The following LPGAT1 variants were observed in gnomAD, a reference collection of about 807,000 sequenced individuals.
LPGAT1 encodes lysophosphatidylglycerol acyltransferase 1, also known as acyl-CoA:lysophosphatidylglycerol acyltransferase 1.
LPGAT1 carries 11 observed loss-of-function variants against 47.5 expected under a neutral mutation model. That is an observed-to-expected ratio of 0.23 (90% CI 0.15 to 0.38). LPGAT1 has a LOEUF of 0.38. LPGAT1 is among the 10% of genes least tolerant of loss of function. LPGAT1 has a pLI of 1.00. For synonymous variants in LPGAT1, 138 were observed against 144.2 expected (o/e 0.96, Z 0.31); for missense variants, 293 against 439.0 (o/e 0.67, Z 2.97).
intron 6 of LPGAT1, among the ~76,000 whole-genome samples, chr1:211,774,320 T>C (rs943146845): frequency 4.6e-5 from 7 of 151,850 alleles, no homozygotes; most frequent in Non-Finnish European, 1.5e-5. Context: ...TTTCACCATG[T>C]TGGCCGGGCT....
chr1:211,781,412 T>A (rs1658637874), intron 5 of LPGAT1, among the ~76,000 whole-genome samples: 1 of 152,248 alleles, frequency 6.6e-6, no homozygotes, highest in South Asian at 2.1e-4. Context: ...GGAAGACATT[T>A]GCCTTCAAGC....
rs34306984 is a variant in LPGAT1, at chr1:211,805,115, G to GAAA, written c.239-11928_239-11926dup. On this transcript the variant is annotated intron_variant, in intron 2 of 7. Transcript: ENST00000366997. The stretch of plus-strand genomic sequence containing the variant: ...AAGCAAACACAGAAATCAATGAAAT[G>GAAA]AAAAAAAAAATGGAGAAAATCAATG... Among the ~76,000 whole-genome samples, 93 of 147,332 alleles carry GAAA rather than the reference G, an allele frequency of 6.3e-4. 1 individual carries two copies. The East Asian group carries it at 7.5e-3, about 12-fold the overall frequency.
At chr1:211,785,439 G>A (rs6656780) in intron 4 of LPGAT1, among the ~76,000 whole-genome samples, 150,632 of 152,262 alleles carry the variant, frequency 0.99, 74,513 homozygotes, top group East Asian at 1. Flanking sequence ...CTAATCTATC[G>A]GGGAAAAACA....
At chr1:211,774,800 C>T (rs906083805) in intron 6 of LPGAT1, among the ~76,000 whole-genome samples, 11 of 152,006 alleles carry the variant, frequency 7.2e-5, no homozygotes, top group African/African-American at 1.2e-4. Flanking sequence ...AGTAAATTAA[C>T]GGAGAAAACT....
chr1:211,807,269 G>GCTGCGCAACAAGGGCGAAACTCCGT (rs1329996970), intron 2 of LPGAT1, among the ~76,000 whole-genome samples: 9 of 152,060 alleles, frequency 5.9e-5, no homozygotes, highest in Non-Finnish European at 1.2e-4. Context: ...AATCAAAAAA[G>GCTGCGCAACAAGGGCGAAACTCCGT]CTCAAAATGA....
chr1:211,781,037 A>G (rs1658619724), intron 5 of LPGAT1, among the ~76,000 whole-genome samples: 1 of 152,246 alleles, frequency 6.6e-6, no homozygotes, highest in South Asian at 2.1e-4. Context: ...CACATATTAA[A>G]CACAAAGGCA....
chr1:211,751,082 A>G lies in LPGAT1; in HGVS notation c.855-15T>C, dbSNP rs778559713. The G allele has an allele frequency of 2.6e-6, 4 of 1,531,906 alleles. No individual in the cohort carries two copies. Among genetic ancestry groups the G allele is most frequent in the East Asian group, 2.3e-5 (1 of 44,424 alleles). The allele number at this position is 1,531,906 out of a possible 1,614,324, so 94.9% of individuals were successfully genotyped here. A position where few individuals can be genotyped will look rare whatever the true frequency, so the allele number is the denominator to read the frequency against. ...TTGGAAAGATCCTATTAAGGGTTAGAAGAAAAGAACAAAAACTATTTAGTT... is the reference window on the plus strand; with the variant it reads ...TTGGAAAGATCCTATTAAGGGTTAGGAGAAAAGAACAAAAACTATTTAGTT... On this transcript the variant is annotated splice_polypyrimidine_tract_variant and intron_variant, in intron 6 of 7. Transcript: ENST00000366997.
intron 2 of LPGAT1, among the ~76,000 whole-genome samples, chr1:211,817,415 T>C (rs1660211955): frequency 6.6e-6 from 1 of 151,714 alleles, no homozygotes; most frequent in Admixed American, 6.6e-5. Context: ...CTACTGAAAA[T>C]ACAAAAATTA....
intron 2 of LPGAT1, among the ~76,000 whole-genome samples, chr1:211,813,032 T>G (rs1178108194): frequency 6.6e-6 from 1 of 152,172 alleles, no homozygotes; most frequent in Non-Finnish European, 1.5e-5. Context: ...TGAAAGAGGT[T>G]CTAATAAACC....
chr1:211,760,333 T>C (rs1316055064), intron 6 of LPGAT1, among the ~76,000 whole-genome samples: 1 of 152,178 alleles, frequency 6.6e-6, no homozygotes, highest in Non-Finnish European at 1.5e-5. Flanking sequence ...CACATGCCTG[T>C]AGTCCCAGCA....
At chr1:211,761,604 T>C (rs1657702176) in intron 6 of LPGAT1, among the ~76,000 whole-genome samples, 1 of 152,216 alleles carries the variant, frequency 6.6e-6, no homozygotes, top group South Asian at 2.1e-4. Flanking sequence ...CATCATCCTG[T>C]TCTATTTTCA....
chr1:211,771,617 A>C (rs10863922), intron 6 of LPGAT1, among the ~76,000 whole-genome samples: 148,381 of 152,122 alleles, frequency 0.98, 72,380 homozygotes, highest in East Asian at 1. Context: ...AATTCTCATG[A>C]CTCAGCCTCC....
In LPGAT1 at chr1:211,744,061, T is replaced by C. The variant is rs962495950; in HGVS notation, c.*5838A>G. ...CCCATGTATTTCAGTAAATGTTTTC[T>C]TTCTGTCACATTCTTCTAAATCAAA... On this transcript the variant is annotated 3_prime_UTR_variant, in exon 8 of 8. Transcript: ENST00000366997. 5 of 152,226 alleles carry C rather than the reference T, an allele frequency of 3.3e-5. No individual in the cohort carries two copies. Among genetic ancestry groups the C allele is most frequent in the Non-Finnish European group, 7.3e-5 (5 of 68,036 alleles). The allele number at this position is 152,226 out of a possible 1,614,324, so 9.4% of individuals were successfully genotyped here. A position where few individuals can be genotyped will look rare whatever the true frequency, so the allele number is the denominator to read the frequency against.
At position 211,830,540 on chromosome 1, in the gene LPGAT1, T is replaced by A; in HGVS notation, c.-28+33A>T. 9.6e-7 allele frequency: 1 copy of A among 1,038,962 alleles called. No homozygotes were observed. 64.4% of individuals were successfully genotyped at this position (1,038,962 alleles called of 1,614,324 possible). ...TCCCCTGGCCCGGCTCCGCTGCCGC[T>A]CTGGGGCCTGCGACCGCGGAGCCGG... On this transcript the variant is annotated intron_variant, in intron 1 of 7. Coordinates refer to ENST00000366997, the MANE Select transcript of LPGAT1 (RefSeq NM_014873.3). This position sits in a 1 kb window ranked among gnomAD's most constrained non-coding sequence, Gnocchi z 5.9.
Position 211,775,002 on chromosome 1 carries a change from G to C in LPGAT1, c.854+3916C>G, listed in dbSNP as rs189614997. 3.6e-4 allele frequency among the ~76,000 whole-genome samples: 54 copies of C among 152,054 alleles called. No homozygotes were observed. In the East Asian group the frequency reaches 8.3e-3, roughly 23 times the overall value. On this transcript the variant is annotated intron_variant, in intron 6 of 7. Transcript: ENST00000366997. The stretch of plus-strand genomic sequence containing the variant: ...AAAGAACTTATTAACACAGTATGAA[G>C]GGAGTTTTACTCTGTGGGAAAACGC...
intron 3 of LPGAT1, among the ~76,000 whole-genome samples, chr1:211,791,698 G>A (rs1571734896): frequency 7.2e-6 from 1 of 139,190 alleles, no homozygotes; most frequent in East Asian, 2.2e-4. Context: ...AGCAAGCCAA[G>A]ATTGTGCCAC....
chr1:211,814,176 C>T (rs569115043), intron 2 of LPGAT1, among the ~76,000 whole-genome samples: 5 of 152,220 alleles, frequency 3.3e-5, no homozygotes, highest in Non-Finnish European at 7.3e-5. Context: ...TATTCATCCA[C>T]AGATGGTACT....
At chr1:211,751,096 A>T in intron 6 of LPGAT1, 29 bp from the exon 7 acceptor site, 1 of 1,415,680 alleles carries the variant, frequency 7.1e-7, no homozygotes, top group Non-Finnish European at 9.9e-7. Flanking sequence ...AAAGAACAAA[A>T]ACTATTTAGT....
intron 6 of LPGAT1, among the ~76,000 whole-genome samples, chr1:211,764,810 C>A (rs1371960466): frequency 2.0e-5 from 3 of 152,256 alleles, no homozygotes; most frequent in Admixed American, 2.0e-4. Context: ...GACATACCAG[C>A]AGATACTTTT....
Sources: gnomAD v4.1 joint callset for allele counts (sites outside exome capture counted in the v4.1 genomes callset) on GRCh38, gnomAD v4.1.1 for gene constraint, Gnocchi (gnomAD v3.1) non-coding constraint, MANE v1.5 for transcripts, NCBI Gene and HGNC (gene_info 2026-07-23, HGNC 2026-07-21) for gene names.